Variants in PSTK observed in about 807,000 individuals in gnomAD.
The protein encoded by PSTK is L-seryl-tRNA(Sec) kinase.
Under a neutral mutation model 38.6 loss-of-function variants are expected in PSTK, and 26 were observed. The observed-to-expected ratio is 0.67, with a 90% CI of 0.49 to 0.94. The LOEUF is 0.94. PSTK is among the 40% of genes least tolerant of loss of function. The probability of loss-of-function intolerance (pLI) is 0.00; values close to 1 mark genes in which losing one functional copy is unlikely to be tolerated. For missense variants in PSTK, 445 were observed against 436.3 expected, an observed-to-expected ratio of 1.02 and a Z score of -0.18; for synonymous variants, 181 against 161.7, an observed-to-expected ratio of 1.12 and a Z score of -0.91.
At position 122,983,317 on chromosome 10, in the gene PSTK, C is replaced by T. The variant is rs1848991884; in HGVS notation, c.554C>T (p.Thr185Ile). 6.2e-7 allele frequency: 1 copy of T among 1,614,038 alleles called. No homozygotes were observed. The highest frequency in any genetic ancestry group is 8.5e-7 in the Non-Finnish European group (1 of 1,180,020). Reference sequence around the variant, plus strand: ...CTCTTTTTAGATTGTCCTCTTGAGACCTGTTTACAGAGGAATGGCCAGAGG... The same window carrying T: ...CTCTTTTTAGATTGTCCTCTTGAGATCTGTTTACAGAGGAATGGCCAGAGG... ...CQLFLDCPLE[T>I]CLQRNGQRPQ... Residue 185 changes from threonine (T) to isoleucine (I), a missense_variant, in exon 3 of 6, where the codon ACC becomes ATC. Coordinates refer to ENST00000406217, the MANE Select transcript of PSTK (RefSeq NM_001363531.2).
chr10:122,983,647 C>T (rs1210091156), intron 3 of PSTK, 177 bp downstream of exon 3: 6 of 602,670 alleles, frequency 1.0e-5, no homozygotes, highest in Non-Finnish European at 2.9e-6. Context: ...AAGATTTGAA[C>T]CCAAGTTTAT....
intron 1 of PSTK, chr10:122,982,037 G>T (rs1392531238): frequency 6.6e-6 from 1 of 152,196 alleles, no homozygotes; most frequent in Non-Finnish European, 1.5e-5. Flanking sequence ...TCTTAACTAT[G>T]TCAGGATTCT....
chr10:122,986,478 G>T, intron 4 of PSTK, 103 bp downstream of exon 4: 2 of 851,228 alleles, frequency 2.3e-6, no homozygotes, highest in Non-Finnish European at 3.9e-6. Flanking sequence ...GAGATGCGTT[G>T]TCATTGGCTT....
chr10:122,982,840 A>G lies in PSTK; in HGVS notation c.324A>G (p.Glu108=). ...CQMSVPPNRT[E]AMWEDFITCL... The stretch of plus-strand genomic sequence containing the variant: ...TGTCTGTCCCACCCAACAGGACTGA[A>G]GCCATGTGGGAAGATTTTATAACCT... The change falls in exon 2 of 6, where the codon GAA becomes GAG. Residue 108 remains glutamate (E), a synonymous_variant. Transcript: ENST00000406217. 1 of 1,614,220 alleles carries G rather than the reference A, an allele frequency of 6.2e-7. No homozygotes were observed. The highest frequency in any genetic ancestry group is 8.5e-7 in the Non-Finnish European group (1 of 1,180,024).
intron 5 of PSTK, chr10:122,987,344 AG>A: frequency 6.2e-7 from 1 of 1,613,940 alleles, no homozygotes; most frequent in South Asian, 1.1e-5. Context: ...GTAATCAGGA[AG>A]CCTTCTCAGA....
rs1848948363 is a variant in PSTK at position 122,980,756 on chromosome 10, G to GGGGCGGGGAC, written c.216+64_216+65insCGGGGACGGG. ...GGGGCGGGGCGGGGCGGGGCGGGGC[G>GGGGCGGGGAC]GGGACACTCGCGTCCACGCGGTCCT... is the stretch of plus-strand genomic sequence containing the variant. On this transcript the variant is annotated intron_variant, in intron 1 of 5. Transcript: ENST00000406217. This position sits in a 1 kb window ranked among gnomAD's most constrained non-coding sequence, Gnocchi z 4.3. 3 of 1,293,154 alleles carry GGGGCGGGGAC rather than the reference G, an allele frequency of 2.3e-6. No homozygotes were observed. The highest frequency in any genetic ancestry group is 2.3e-5 in the South Asian group (1 of 43,560). The allele number at this position is 1,293,154 out of a possible 1,614,324, so 80.1% of individuals were successfully genotyped here.
intron 5 of PSTK, among the ~76,000 whole-genome samples, chr10:122,989,346 G>A (rs897835591): frequency 6.6e-6 from 1 of 152,096 alleles, no homozygotes; most frequent in Non-Finnish European, 1.5e-5. Flanking sequence ...CCACCTCCCG[G>A]GTTCAAGTGA....
chr10:122,981,938 T>C (rs1426310557), intron 1 of PSTK: 1 of 152,248 alleles, frequency 6.6e-6, no homozygotes, highest in Non-Finnish European at 1.5e-5. Flanking sequence ...GTTTGTTGTA[T>C]GTAGTGTAAT....
intron 1 of PSTK, 131 bp from the exon 2 acceptor site, chr10:122,982,602 G>T (rs1044139607): frequency 1.0e-4 from 69 of 686,816 alleles, no homozygotes; most frequent in Non-Finnish European, 1.0e-4. Flanking sequence ...GTGAAACCAG[G>T]TGTGTTAGAG....
intron 3 of PSTK, chr10:122,984,553 C>G (rs1428356533): frequency 7.9e-5 from 12 of 152,342 alleles, no homozygotes; most frequent in African/African-American, 2.4e-4. Flanking sequence ...TGCTTTACCT[C>G]TTTTAAGACT....
At chr10:122,987,511 A>G (rs1564731719) in intron 5 of PSTK, 1 of 1,612,862 alleles carries the variant, frequency 6.2e-7, no homozygotes. Flanking sequence ...TGAGGTAAGA[A>G]GGGGGGAAAG....
At chr10:122,984,915 TA>T (rs1239835579) in intron 3 of PSTK, 1 of 152,196 alleles carries the variant, frequency 6.6e-6, no homozygotes, top group African/African-American at 2.4e-5. Context: ...GAGGCCCAGA[TA>T]AGTAAAGTAA....
At chr10:122,987,183 C>A in intron 5 of PSTK, 1 of 1,153,056 alleles carries the variant, frequency 8.7e-7, no homozygotes, top group Non-Finnish European at 1.2e-6. Context: ...CTGTACTAGG[C>A]CTTACTCTAG....
At chr10:122,987,361 CATTTAA>C in intron 5 of PSTK, 2 of 1,614,116 alleles carry the variant, frequency 1.2e-6, no homozygotes, top group Admixed American at 3.3e-5. Flanking sequence ...TCAGAGATGA[CATTTAA>C]GCAAAGATGG....
intron 1 of PSTK, among the ~76,000 whole-genome samples, chr10:122,981,105 G>T (rs10902853): frequency 0.66 from 100,079 of 152,040 alleles, 33,289 homozygotes; most frequent in Non-Finnish European, 0.7. Context: ...TCTAAAACTT[G>T]AACGTCTAGC....
At chr10:122,987,285 T>G (rs7096614) in intron 5 of PSTK, 1,045,992 of 1,565,046 alleles carry the variant, frequency 0.67, 353,377 homozygotes, top group Non-Finnish European at 0.69. Flanking sequence ...TGAAGAAAAT[T>G]TAAGTAAGGT....
chr10:122,989,847 A>C (rs1849103609), intron 5 of PSTK, among the ~76,000 whole-genome samples: 2 of 152,190 alleles, frequency 1.3e-5, no homozygotes, highest in African/African-American at 4.8e-5. Flanking sequence ...ATTGTCATCT[A>C]TTTCTGCTTT....
intron 5 of PSTK, among the ~76,000 whole-genome samples, chr10:122,988,688 C>A (rs544943567): frequency 1.1e-4 from 16 of 152,262 alleles, no homozygotes; most frequent in African/African-American, 2.2e-4. Flanking sequence ...CATAAGATAG[C>A]ACTTCACACC....
chr10:122,985,021 T>C (rs1490880324), intron 3 of PSTK: 1 of 152,278 alleles, frequency 6.6e-6, no homozygotes, highest in Non-Finnish European at 1.5e-5. Context: ...AGGAAGATCA[T>C]CTTGAGGTTG....
Sources: gnomAD v4.1 joint callset for allele counts (sites outside exome capture counted in the v4.1 genomes callset) on GRCh38, gnomAD v4.1.1 for gene constraint, Gnocchi (gnomAD v3.1) non-coding constraint, MANE v1.5 for transcripts, NCBI Gene and HGNC (gene_info 2026-07-23, HGNC 2026-07-21) for gene names.